The following MKNK1 variants were observed in gnomAD, a reference collection of about 807,000 sequenced individuals.
The protein encoded by MKNK1 is MAP kinase-interacting serine/threonine-protein kinase 1.
In MKNK1, 30 loss-of-function variants were observed where a neutral mutation model predicts 49.3. The ratio of observed to expected loss-of-function variants is 0.61; its 90% CI spans 0.46 to 0.83. The LOEUF is 0.83. Ranked by LOEUF, MKNK1 falls within the 40% of genes least tolerant of loss-of-function variation. The pLI is 0.00. For missense variants in MKNK1, 423 were observed against 524.7 expected (o/e 0.81, Z 1.89); for synonymous variants, 176 against 201.7 (o/e 0.87, Z 1.08).
chr1:46,586,085 G>C lies in MKNK1; in HGVS notation c.-2-2756C>G, dbSNP rs377649534. 1.2e-4 allele frequency: 48 copies of C among 412,198 alleles called. No homozygotes were observed. In the East Asian group the frequency reaches 2.1e-3, roughly 18 times the overall value. 25.5% of individuals were successfully genotyped at this position (412,198 alleles called of 1,614,324 possible). Reference sequence around the variant, plus strand: ...TCATAATCTCACCAAGGGGTCGCTAGTTGCCCATGTGGAGCCTGGCCACAC... The same window carrying C: ...TCATAATCTCACCAAGGGGTCGCTACTTGCCCATGTGGAGCCTGGCCACAC... On this transcript the variant is annotated intron_variant, in intron 2 of 12. Transcript: ENST00000371945.
At chr1:46,599,333 A>C (rs1336402660) in intron 1 of MKNK1, among the ~76,000 whole-genome samples, 1 of 152,198 alleles carries the variant, frequency 6.6e-6, no homozygotes, top group Non-Finnish European at 1.5e-5. Flanking sequence ...GGATGTGCCA[A>C]ACAGGCTGCC....
intron 7 of MKNK1, chr1:46,571,502 C>A: frequency 2.3e-6 from 1 of 427,138 alleles, no homozygotes; most frequent in Non-Finnish European, 4.6e-6. Context: ...CTGATGGCGC[C>A]ATAGCACTCC....
At chr1:46,579,470 T>C (rs577648579) in intron 4 of MKNK1, among the ~76,000 whole-genome samples, 36 of 152,324 alleles carry the variant, frequency 2.4e-4, no homozygotes, top group African/African-American at 8.4e-4. Context: ...CCTGGATCTG[T>C]GTGTGCTTTG....
At chr1:46,571,155 A>T (rs1670053674) in intron 7 of MKNK1, among the ~76,000 whole-genome samples, 1 of 152,268 alleles carries the variant, frequency 6.6e-6, no homozygotes, top group Non-Finnish European at 1.5e-5. Flanking sequence ...AATCAGTCAT[A>T]GGAAAGGGGC....
At position 46,562,677 on chromosome 1, in the gene MKNK1, T is replaced by G; in HGVS notation, c.776A>C (p.Asp259Ala). ...GCACACCCTGCAGACCTCGCCCCGG[T>G]CCCAGCCACAGTCGGCCCCGCAGTG... ...VGHCGADCGW[D>A]RGEVCRVCQN... Residue 259 changes from aspartate (D) to alanine (A), a missense_variant, in exon 10 of 13, where the codon GAC (aspartate) becomes GCC (alanine). Asp to Ala is a moderately radical substitution (Grantham distance 126). Transcript: ENST00000371945. The G allele has an allele frequency of 6.4e-7, 1 of 1,560,414 alleles. No homozygotes were observed. The highest frequency in any genetic ancestry group is 8.7e-7 in the Non-Finnish European group (1 of 1,151,660).
In MKNK1 at chr1:46,562,777, CGTAGAATGTGGCCTGGTCCGTGAAG is replaced by C; in HGVS notation, c.651_675del (p.Phe218ThrfsTer17). The C allele has an allele frequency of 6.2e-7, 1 of 1,612,008 alleles. No homozygotes were observed. Among genetic ancestry groups the C allele is most frequent in the South Asian group, 1.1e-5 (1 of 90,490 alleles). On this transcript the variant is annotated frameshift_variant, in exon 10 of 13. Coordinates refer to ENST00000371945, the MANE Select transcript of MKNK1 (RefSeq NM_001135553.4). LOFTEE classifies it high-confidence loss of function. ...AGGCTCCACAGGTCACAGCGCTTGTCGTAGAATGTGGCCTGGTCCGTGAAGACCTCCACTACCTCAGGGGCCATGT... is the reference window on the plus strand; with the variant it reads ...AGGCTCCACAGGTCACAGCGCTTGTCACCTCCACTACCTCAGGGGCCATGT...
At chr1:46,602,461 G>A (rs954514592) in intron 1 of MKNK1, among the ~76,000 whole-genome samples, 1 of 152,172 alleles carries the variant, frequency 6.6e-6, no homozygotes, top group African/African-American at 2.4e-5. Context: ...CTGAAGCACA[G>A]GTTGCAGGTT....
intron 2 of MKNK1, chr1:46,584,651 G>C (rs1672248244): frequency 6.6e-6 from 1 of 152,110 alleles, no homozygotes; most frequent in South Asian, 2.1e-4. Flanking sequence ...GCTCATGCAG[G>C]TCCATACACT....
At chr1:46,581,422 A>G (rs1671718652) in intron 3 of MKNK1, among the ~76,000 whole-genome samples, 1 of 150,654 alleles carries the variant, frequency 6.6e-6, no homozygotes, top group Non-Finnish European at 1.5e-5. Flanking sequence ...AGGCAGGAGA[A>G]TCGCTTGAAC....
intron 1 of MKNK1, among the ~76,000 whole-genome samples, chr1:46,602,391 G>A (rs1444166521): frequency 1.3e-5 from 2 of 152,100 alleles, no homozygotes; most frequent in Admixed American, 1.3e-4. Flanking sequence ...CAGCCTGGGT[G>A]ACAAAGTGAG....
At chr1:46,587,094 A>G (rs61783123) in intron 2 of MKNK1, among the ~76,000 whole-genome samples, 6,314 of 152,276 alleles carry the variant, frequency 0.041, 166 homozygotes, top group African/African-American at 0.079. Context: ...ACAGACGTGA[A>G]CCACTGCGCC....
intron 1 of MKNK1, chr1:46,594,787 A>C (rs1673833847): frequency 2.9e-6 from 1 of 342,176 alleles, no homozygotes. Flanking sequence ...CTGAGCTCAG[A>C]AGTTCAAGAC....
intron 8 of MKNK1, chr1:46,565,346 A>G (rs1668877993): frequency 1.7e-6 from 1 of 574,292 alleles, no homozygotes; most frequent in Non-Finnish European, 3.1e-6. Context: ...TTCCCATCTA[A>G]GGGAAAAATG....
At chr1:46,603,107 C>T (rs2148791823) in intron 1 of MKNK1, among the ~76,000 whole-genome samples, 1 of 152,328 alleles carries the variant, frequency 6.6e-6, no homozygotes, top group East Asian at 1.9e-4. Flanking sequence ...GCACCAAAGC[C>T]TCTAGCTGGC....
chr1:46,562,472 G>A (rs1343408463), intron 10 of MKNK1, among the ~76,000 whole-genome samples, 177 bp downstream of exon 10: 2 of 151,504 alleles, frequency 1.3e-5, no homozygotes, highest in Admixed American at 6.6e-5. Context: ...CTCCCAGCTG[G>A]GCGGAGTGTC....
intron 1 of MKNK1, among the ~76,000 whole-genome samples, chr1:46,595,229 T>A (rs1248371113): frequency 6.6e-6 from 1 of 152,116 alleles, no homozygotes; most frequent in Non-Finnish European, 1.5e-5. Context: ...AAGTCAAAGT[T>A]GCTTTGTCAA....
intron 2 of MKNK1, among the ~76,000 whole-genome samples, chr1:46,588,568 G>A (rs1672899116): frequency 6.6e-6 from 1 of 152,196 alleles, no homozygotes; most frequent in African/African-American, 2.4e-5. Context: ...AGCACTTTGG[G>A]AGGCCGAGGC....
intron 2 of MKNK1, chr1:46,584,825 TTA>T (rs1672276208): frequency 6.6e-6 from 1 of 152,142 alleles, no homozygotes; most frequent in African/African-American, 2.4e-5. Flanking sequence ...ACATTTTAAA[TTA>T]TAGTTTAGAA....
At chr1:46,568,669 A>C in intron 7 of MKNK1, 171 bp from the exon 8 acceptor site, 1 of 631,334 alleles carries the variant, frequency 1.6e-6, no homozygotes, top group East Asian at 2.9e-5. Flanking sequence ...CACAAACCAA[A>C]AGCACAGTTG....
Sources: allele counts gnomAD v4.1 joint callset (sites outside exome capture counted in the v4.1 genomes callset), GRCh38; gene constraint gnomAD v4.1.1; transcripts MANE v1.5; gene names NCBI Gene and HGNC (gene_info 2026-07-23, HGNC 2026-07-21).